Variants in EYS observed in about 807,000 individuals in gnomAD.
EYS encodes EGF-like photoreceptor maintenance factor.
Under a neutral mutation model 282.1 loss-of-function variants are expected in EYS, and 250 were observed. The ratio of observed to expected loss-of-function variants is 0.89; its 90% CI spans 0.80 to 0.98. The LOEUF (loss-of-function observed/expected upper bound fraction) is 0.98. EYS is among the 50% of genes least tolerant of loss of function. The pLI, the probability that EYS is intolerant of heterozygous loss-of-function variation, is 0.00. For synonymous variants in EYS, 1,355 were observed against 1,282.9 expected (o/e 1.06, Z -1.20); for missense variants, 4,016 against 3,709.0 (o/e 1.08, Z -2.15).
At chr6:65,247,036 A>T (rs1767197726) in intron 12 of EYS, among the ~76,000 whole-genome samples, 1 of 152,246 alleles carries the variant, frequency 6.6e-6, no homozygotes, top group South Asian at 2.1e-4. Flanking sequence ...AAAGTAAAAA[A>T]TAAACAAATA....
intron 12 of EYS, among the ~76,000 whole-genome samples, chr6:65,112,502 C>G (rs1277530756): frequency 6.6e-6 from 1 of 152,110 alleles, no homozygotes; most frequent in Non-Finnish European, 1.5e-5. Context: ...CCTCTGCTCT[C>G]TCTGCTATTT....
intron 12 of EYS, among the ~76,000 whole-genome samples, chr6:65,108,350 T>G (rs749143738): frequency 2.0e-4 from 30 of 152,090 alleles, no homozygotes; most frequent in Non-Finnish European, 3.8e-4. Context: ...CAGGCTGGAG[T>G]GCAGTGGCTT....
chr6:64,289,029 C>T (rs1004331323), intron 30 of EYS, among the ~76,000 whole-genome samples: 6 of 151,952 alleles, frequency 3.9e-5, no homozygotes, highest in Admixed American at 6.6e-5. Flanking sequence ...TAAAGTGATT[C>T]GGGTGCTTCA....
intron 22 of EYS, among the ~76,000 whole-genome samples, chr6:64,753,221 T>C (rs1442173324): frequency 6.6e-6 from 1 of 151,974 alleles, no homozygotes; most frequent in Non-Finnish European, 1.5e-5. Context: ...AAAAACACTA[T>C]GACAGGAACA....
intron 22 of EYS, among the ~76,000 whole-genome samples, chr6:64,757,344 T>A (rs756186443): frequency 7.9e-5 from 12 of 152,202 alleles, no homozygotes; most frequent in Non-Finnish European, 1.5e-4. Context: ...ACTTCTATTA[T>A]AACTCTTAGT....
At chr6:64,192,703 C>T (rs1440236401) in intron 31 of EYS, among the ~76,000 whole-genome samples, 6 of 152,100 alleles carry the variant, frequency 3.9e-5, no homozygotes, top group Non-Finnish European at 7.4e-5. Flanking sequence ...AAGACTTAAA[C>T]GTTAGACCTA....
chr6:65,013,860 C>T (rs1175283359), intron 13 of EYS, among the ~76,000 whole-genome samples: 2 of 152,090 alleles, frequency 1.3e-5, no homozygotes, highest in Non-Finnish European at 2.9e-5. Context: ...GAGACTCTCT[C>T]TCTTAAGTAA....
intron 11 of EYS, chr6:65,331,273 C>T: frequency 1.6e-6 from 1 of 627,272 alleles, no homozygotes; most frequent in Non-Finnish European, 2.0e-6. Context: ...ATATTTAACT[C>T]CATGCATTAT....
At chr6:64,756,186 A>G (rs910160976) in intron 22 of EYS, among the ~76,000 whole-genome samples, 1 of 152,170 alleles carries the variant, frequency 6.6e-6, no homozygotes, top group Non-Finnish European at 1.5e-5. Context: ...TTTGTTTCAC[A>G]ATTTGTTTTA....
chr6:64,712,139 C>G (rs187335085), intron 22 of EYS, among the ~76,000 whole-genome samples: 3 of 152,292 alleles, frequency 2.0e-5, no homozygotes, highest in South Asian at 2.1e-4. Flanking sequence ...TCTGCCTAGG[C>G]ATTTGGCTGC....
chr6:65,657,323 C>T (rs906794789), intron 1 of EYS, among the ~76,000 whole-genome samples: 3 of 151,642 alleles, frequency 2.0e-5, no homozygotes, highest in African/African-American at 4.8e-5. Flanking sequence ...CTACAGATGC[C>T]GTAGATCGTG....
chr6:64,726,496 A>G (rs1383811782), intron 22 of EYS, among the ~76,000 whole-genome samples: 2 of 152,184 alleles, frequency 1.3e-5, no homozygotes, highest in Non-Finnish European at 2.9e-5. Context: ...ATAGATAGAT[A>G]TTATAAAACT....
rs1442743915 is a variant in EYS at position 64,439,232 on chromosome 6, T to C, written c.5765A>G (p.Tyr1922Cys). ...QTFSSYGLLL[Y>C]VKQDSNLVDG... ...TACTAAATTTGAGTCTTGCTTGACA[T>C]ACAGCAGAAGTCCATAGGAGCTGAA... is the stretch of plus-strand genomic sequence containing the variant. Residue 1922 changes from tyrosine to cysteine, a missense_variant, in exon 27 of 43, where the codon TAT (tyrosine) becomes TGT (cysteine). Physicochemically the swap from Tyr to Cys is radical, Grantham distance 194. Transcript: ENST00000503581. 2.0e-6 allele frequency: 3 copies of C among 1,502,826 alleles called. No individual in the cohort carries two copies. Among genetic ancestry groups the C allele is most frequent in the Admixed American group, 2.3e-5 (1 of 42,902 alleles). The allele number at this position is 1,502,826 out of a possible 1,614,324, so 93.1% of individuals were successfully genotyped here. A position where few individuals can be genotyped will look rare whatever the true frequency, so the allele number is the denominator to read the frequency against.
intron 29 of EYS, among the ~76,000 whole-genome samples, chr6:64,345,276 C>T (rs919647341): frequency 2.0e-5 from 3 of 152,074 alleles, no homozygotes; most frequent in South Asian, 2.1e-4. Flanking sequence ...AAGCCAGAGG[C>T]ATCATGCTAC....
intron 22 of EYS, among the ~76,000 whole-genome samples, chr6:64,720,673 T>C (rs1374388254): frequency 6.6e-6 from 1 of 152,172 alleles, no homozygotes; most frequent in Non-Finnish European, 1.5e-5. Flanking sequence ...AGGTTCCAGG[T>C]GAAGACTATA....
intron 2 of EYS, among the ~76,000 whole-genome samples, chr6:65,636,713 A>G (rs1417008461): frequency 6.6e-6 from 1 of 152,184 alleles, no homozygotes; most frequent in Non-Finnish European, 1.5e-5. Flanking sequence ...ATTATGATAT[A>G]TAATTTATGT....
chr6:65,314,424 G>A (rs2150300662), intron 11 of EYS, among the ~76,000 whole-genome samples: 1 of 144,404 alleles, frequency 6.9e-6, no homozygotes, highest in East Asian at 2.0e-4. Flanking sequence ...ACAAGAAATG[G>A]AGGGCACTCA....
At chr6:65,280,699 A>G (rs1768191704) in intron 12 of EYS, among the ~76,000 whole-genome samples, 1 of 151,766 alleles carries the variant, frequency 6.6e-6, no homozygotes, top group South Asian at 2.1e-4. Flanking sequence ...CTATTTTATG[A>G]TATTAATTCA....
chr6:64,246,187 T>C (rs1767015046), intron 30 of EYS, among the ~76,000 whole-genome samples: 1 of 151,760 alleles, frequency 6.6e-6, no homozygotes. Flanking sequence ...CTTTTTTTTT[T>C]TCCCTCTCTT....
Sources: allele counts gnomAD v4.1 joint callset (sites outside exome capture counted in the v4.1 genomes callset), GRCh38; gene constraint gnomAD v4.1.1; transcripts MANE v1.5; gene names NCBI Gene and HGNC (gene_info 2026-07-23, HGNC 2026-07-21).